SESTD1: variants seen among roughly 807,000 people sequenced by gnomAD.
SESTD1 encodes SEC14 and spectrin domain containing 1.
In SESTD1, 43 loss-of-function variants were observed where a neutral mutation model predicts 101.7. The observed-to-expected ratio is 0.42, with a 90% CI of 0.33 to 0.55. The LOEUF (loss-of-function observed/expected upper bound fraction) is 0.55. Ranked by LOEUF, SESTD1 falls within the 20% of genes least tolerant of loss-of-function variation. SESTD1 has a pLI of 0.07. For synonymous variants in SESTD1, 283 were observed against 286.8 expected, an observed-to-expected ratio of 0.99 and a Z score of 0.13; for missense variants, 647 against 815.1, an observed-to-expected ratio of 0.79 and a Z score of 2.51.
At chr2:179,184,502 TAATC>T (rs1169806338) in intron 2 of SESTD1, among the ~76,000 whole-genome samples, 4 of 151,996 alleles carry the variant, frequency 2.6e-5, no homozygotes. Flanking sequence ...TTCAACTTAG[TAATC>T]AATCAATACG....
intron 1 of SESTD1, among the ~76,000 whole-genome samples, chr2:179,197,364 A>G (rs2046417480): frequency 6.6e-6 from 1 of 152,354 alleles, no homozygotes; most frequent in Admixed American, 6.5e-5. Context: ...GGGAGAATGG[A>G]ACCAAGTTGG....
intron 1 of SESTD1, among the ~76,000 whole-genome samples, chr2:179,223,135 G>A (rs1437362267): frequency 1.3e-5 from 2 of 152,016 alleles, no homozygotes; most frequent in Admixed American, 6.6e-5. Context: ...GCTGATATAC[G>A]ATATAACGAG....
At chr2:179,113,896 T>C (rs2044568958) in intron 16 of SESTD1, among the ~76,000 whole-genome samples, 1 of 150,698 alleles carries the variant, frequency 6.6e-6, no homozygotes, top group Non-Finnish European at 1.5e-5. Flanking sequence ...TCAGTGGTGC[T>C]AGACATTGGG....
At chr2:179,114,990 A>G in intron 16 of SESTD1, 75 bp downstream of exon 16, 2 of 1,251,090 alleles carry the variant, frequency 1.6e-6, no homozygotes, top group Non-Finnish European at 2.2e-6. Context: ...ATATAGTTAC[A>G]TTACTAAAAT....
intron 13 of SESTD1, among the ~76,000 whole-genome samples, chr2:179,121,338 T>G (rs2044745942): frequency 6.6e-6 from 1 of 152,188 alleles, no homozygotes; most frequent in African/African-American, 2.4e-5. Flanking sequence ...TGTTTAATCC[T>G]CCTACAGCAA....
At chr2:179,250,019 G>C (rs1270586067) in intron 1 of SESTD1, among the ~76,000 whole-genome samples, 1 of 151,884 alleles carries the variant, frequency 6.6e-6, no homozygotes, top group Non-Finnish European at 1.5e-5. Flanking sequence ...AGGATCTAGA[G>C]CTGAAATTTC....
chr2:179,221,970 T>C (rs2046822220), intron 1 of SESTD1, among the ~76,000 whole-genome samples: 1 of 152,136 alleles, frequency 6.6e-6, no homozygotes, highest in Non-Finnish European at 1.5e-5. Context: ...TTTTTTGTAG[T>C]AAAACTACTG....
At chr2:179,156,093 T>A (rs549654016) in intron 5 of SESTD1, among the ~76,000 whole-genome samples, 2 of 152,072 alleles carry the variant, frequency 1.3e-5, no homozygotes, top group East Asian at 3.9e-4. Context: ...GGCTGAGTAG[T>A]ATTCCATCAT....
chr2:179,212,703 C>G (rs112519562), intron 1 of SESTD1, among the ~76,000 whole-genome samples: 10,141 of 134,750 alleles, frequency 0.075, 2,257 homozygotes, highest in South Asian at 0.15. Flanking sequence ...GGTCCCTGAC[C>G]CCCGTGTACC....
intron 1 of SESTD1, among the ~76,000 whole-genome samples, chr2:179,224,808 G>C (rs746063716): frequency 6.6e-6 from 1 of 152,146 alleles, no homozygotes; most frequent in African/African-American, 2.4e-5. Context: ...GTGGAATGTC[G>C]ACCAGAGGTC....
At chr2:179,152,651 G>A (rs939170024) in intron 5 of SESTD1, among the ~76,000 whole-genome samples, 4 of 152,102 alleles carry the variant, frequency 2.6e-5, no homozygotes, top group Non-Finnish European at 5.9e-5. Context: ...AAATTACCAA[G>A]ACTGCTTTGC....
At chr2:179,201,636 A>T (rs1339900127) in intron 1 of SESTD1, among the ~76,000 whole-genome samples, 1 of 125,200 alleles carries the variant, frequency 8.0e-6, no homozygotes, top group Non-Finnish European at 1.7e-5. Context: ...ACATGGATGA[A>T]ATTGGAAATC....
rs1315035371 is a variant in SESTD1, at chr2:179,124,521, A to C, written c.1010T>G (p.Ile337Ser). 1 of 1,614,052 alleles carries C rather than the reference A, an allele frequency of 6.2e-7. No individual in the cohort carries two copies. Among genetic ancestry groups the C allele is most frequent in the East Asian group, 2.2e-5 (1 of 44,866 alleles). The change falls in exon 11 of 18, where the codon ATT (isoleucine) becomes AGT (serine). Residue 337 changes from isoleucine (I) to serine (S), a missense_variant. Physicochemically the swap from Ile to Ser is moderately radical, Grantham distance 142. Coordinates refer to ENST00000428443, the MANE Select transcript of SESTD1 (RefSeq NM_178123.5). ...FAVYVELNQQ[I>S]AALLNAGDEE... Reference sequence around the variant, plus strand: ...ATCGCCAGCATTCAAGAGTGCTGCAATTTGCTGATTAAGTTCCACATACAC... The same window carrying C: ...ATCGCCAGCATTCAAGAGTGCTGCACTTTGCTGATTAAGTTCCACATACAC...
intron 5 of SESTD1, among the ~76,000 whole-genome samples, chr2:179,165,712 C>T (rs2045822882): frequency 6.6e-6 from 1 of 152,212 alleles, no homozygotes; most frequent in Admixed American, 6.5e-5. Context: ...ACTACCAGGG[C>T]AACACCCTTC....
chr2:179,248,384 G>C (rs2105553042), intron 1 of SESTD1, among the ~76,000 whole-genome samples: 1 of 152,270 alleles, frequency 6.6e-6, no homozygotes, highest in East Asian at 1.9e-4. Context: ...ACCAGATACA[G>C]AAGAGGAGGA....
Position 179,102,346 on chromosome 2 carries a change from C to G in SESTD1, c.*7553G>C, listed in dbSNP as rs571257772. 6.6e-6 allele frequency: 1 copy of G among 151,976 alleles called. No individual in the cohort carries two copies. The highest frequency in any genetic ancestry group is 6.6e-5 in the Admixed American group (1 of 15,248). 9.4% of individuals were successfully genotyped at this position (151,976 alleles called of 1,614,324 possible). A position where few individuals can be genotyped will look rare whatever the true frequency, so the allele number is the denominator to read the frequency against. ...CTGTTAGAAACAATTTAAACCTTTA[C>G]AAAAAATAACTCAAATTGATTCAAA... On this transcript the variant is annotated 3_prime_UTR_variant, in exon 18 of 18. Transcript: ENST00000428443.
rs1195816969 is a variant in SESTD1 at position 179,105,388 on chromosome 2, TC to T, written c.*4510del. 3 of 152,108 alleles carry T rather than the reference TC, an allele frequency of 2.0e-5. No homozygotes were observed. The highest frequency in any genetic ancestry group is 4.4e-5 in the Non-Finnish European group (3 of 68,024). 9.4% of individuals were successfully genotyped at this position (152,108 alleles called of 1,614,324 possible). ...CTTCCATCTTGCTGTTCTATTATCT[TC>T]CTACAAAAATAGCTAATTTGTCAGA... On this transcript the variant is annotated 3_prime_UTR_variant, in exon 18 of 18. Coordinates refer to ENST00000428443, the MANE Select transcript of SESTD1 (RefSeq NM_178123.5).
At chr2:179,146,948 C>T (rs1471544510) in intron 7 of SESTD1, among the ~76,000 whole-genome samples, 1 of 149,814 alleles carries the variant, frequency 6.7e-6, no homozygotes, top group Non-Finnish European at 1.5e-5. Context: ...TGTGTCCTAG[C>T]AGTTGTACTC....
rs1379999015 is a variant in SESTD1, at chr2:179,201,793, G to A, written c.-25-9927C>T. On this transcript the variant is annotated intron_variant, in intron 1 of 17. Coordinates refer to ENST00000428443, the MANE Select transcript of SESTD1 (RefSeq NM_178123.5). ...TGTTGTGGGGTGGGGGTAGGGGGGA[G>A]GGATAGCATTGGGCAACATACCTAA... 2.3e-5 allele frequency among the ~76,000 whole-genome samples: 3 copies of A among 130,302 alleles called. 1 individual carries two copies. Among genetic ancestry groups the A allele is most frequent in the Non-Finnish European group, 3.2e-5 (2 of 61,602 alleles). The allele number at this position is 130,302 out of a possible 152,430, so 85.5% of individuals were successfully genotyped here. A position where few individuals can be genotyped will look rare whatever the true frequency, so the allele number is the denominator to read the frequency against.
Sources: allele counts gnomAD v4.1 joint callset (sites outside exome capture counted in the v4.1 genomes callset), GRCh38; gene constraint gnomAD v4.1.1; transcripts MANE v1.5; gene names NCBI Gene and HGNC (gene_info 2026-07-23, HGNC 2026-07-21).